SNTB2: variants seen among roughly 807,000 people sequenced by gnomAD.
The protein encoded by SNTB2 is syntrophin beta 2.
In SNTB2, 34 loss-of-function variants were observed where a neutral mutation model predicts 46.2. The observed-to-expected ratio is 0.74, with a 90% CI of 0.56 to 0.98. The LOEUF is 0.98. SNTB2 is among the 50% of genes least tolerant of loss of function. SNTB2 has a pLI of 0.00. For synonymous variants in SNTB2, 290 were observed against 312.6 expected (o/e 0.93, Z 0.76); for missense variants, 603 against 731.4 (o/e 0.82, Z 2.02).
At chr16:69,296,809 C>T (rs954105220) in intron 5 of SNTB2, among the ~76,000 whole-genome samples, 10 of 151,786 alleles carry the variant, frequency 6.6e-5, no homozygotes, top group African/African-American at 2.2e-4. Flanking sequence ...GAGTTTGAGA[C>T]CAGCCTGGCC....
At chr16:69,224,266 C>T (rs905169233) in intron 1 of SNTB2, among the ~76,000 whole-genome samples, 1 of 135,202 alleles carries the variant, frequency 7.4e-6, no homozygotes, top group African/African-American at 2.8e-5. Context: ...GGCTGGAGTG[C>T]AGTGGTGCGA....
chr16:69,287,166 T>C (rs757099563), intron 5 of SNTB2, among the ~76,000 whole-genome samples: 9 of 152,234 alleles, frequency 5.9e-5, no homozygotes, highest in Admixed American at 2.6e-4. Context: ...ATTTGGAGTA[T>C]TGTTTTTTAT....
At chr16:69,282,884 A>G (rs549383598) in intron 4 of SNTB2, among the ~76,000 whole-genome samples, 26 of 152,304 alleles carry the variant, frequency 1.7e-4, no homozygotes, top group African/African-American at 4.3e-4. Context: ...TCAAATTTCA[A>G]TTGTTCAAAG....
rs1964327828 is a variant in SNTB2 at position 69,214,580 on chromosome 16, G to T, written c.580+26834G>T. 2.6e-5 allele frequency among the ~76,000 whole-genome samples: 4 copies of T among 152,120 alleles called. 1 individual carries two copies. The South Asian group carries it at 8.3e-4, about 32-fold the overall frequency. The stretch of plus-strand genomic sequence containing the variant: ...CTCGCTCTGTCGCCCAGGCTGGATT[G>T]CAGTGGCACGATCTTGGCTCACTGC... On this transcript the variant is annotated intron_variant, in intron 1 of 6. Coordinates refer to ENST00000336278, the MANE Select transcript of SNTB2 (RefSeq NM_006750.4).
At chr16:69,283,997 T>A (rs1160211160) in intron 4 of SNTB2, 51 bp from the exon 5 acceptor site, 5 of 1,479,152 alleles carry the variant, frequency 3.4e-6, no homozygotes, top group Non-Finnish European at 4.6e-6. Context: ...TCCTGACATT[T>A]TTGTCTGATA....
At position 69,187,655 on chromosome 16, in the gene SNTB2, C is replaced by T. The variant is rs774234955; in HGVS notation, c.489C>T (p.Ile163=). ...GGGCGCTGCGGCTGGGCGACGCCAT[C>T]CTGTCGGTGAACGGCACCGACCTGC... is the stretch of plus-strand genomic sequence containing the variant. ...QSRALRLGDA[I]LSVNGTDLRQ... Residue 163 remains isoleucine (I), a synonymous_variant, in exon 1 of 7, where the codon ATC becomes ATT. Coordinates refer to ENST00000336278, the MANE Select transcript of SNTB2 (RefSeq NM_006750.4). The T allele has an allele frequency of 1.9e-6, 3 of 1,547,262 alleles. No individual in the cohort carries two copies. Among genetic ancestry groups the T allele is most frequent in the Non-Finnish European group, 2.6e-6 (3 of 1,152,210 alleles).
intron 1 of SNTB2, among the ~76,000 whole-genome samples, chr16:69,232,746 G>A (rs995977809): frequency 5.9e-5 from 9 of 151,854 alleles, no homozygotes; most frequent in Admixed American, 3.3e-4. Flanking sequence ...TCTTGACTTC[G>A]TGATCCGCCC....
chr16:69,299,966 C>T (rs148948767), intron 6 of SNTB2, among the ~76,000 whole-genome samples, 192 bp downstream of exon 6: 1,567 of 151,662 alleles, frequency 0.01, 19 homozygotes, highest in Middle Eastern at 0.041. Flanking sequence ...ATCATAGCTT[C>T]CTGCAGCCTA....
chr16:69,230,087 C>G (rs552694475), intron 1 of SNTB2, among the ~76,000 whole-genome samples: 5 of 151,358 alleles, frequency 3.3e-5, no homozygotes, highest in South Asian at 4.2e-4. Context: ...GCATCTGGCC[C>G]GATGGCATGT....
Position 69,298,512 on chromosome 16 carries a change from CTTTTTTT to C in SNTB2, c.1346-1058_1346-1052del, listed in dbSNP as rs34908270. Among the ~76,000 whole-genome samples the C allele has an allele frequency of 3.9e-3, 303 of 78,104 alleles. 2 individuals carry two copies. The East Asian group carries it at 0.072, about 19-fold the overall frequency. The allele number at this position is 78,104 out of a possible 152,430, so 51.2% of individuals were successfully genotyped here. On this transcript the variant is annotated intron_variant, in intron 5 of 6. Transcript: ENST00000336278. ...CCCTGCCTGTCCAGTTTTACCAATT[CTTTTTTT>C]TTTTTTTTTTTTTTTTTTTGAGACA...
rs1210149629 is a variant in SNTB2, at chr16:69,307,085, A to G, written c.*6161A>G. ...ACATATTCATGTGTTCTTTCATCTA[A>G]TAAACATTTATTAATGTATAGTTCT... On this transcript the variant is annotated 3_prime_UTR_variant, in exon 7 of 7. Coordinates refer to ENST00000336278, the MANE Select transcript of SNTB2 (RefSeq NM_006750.4). The G allele has an allele frequency of 6.6e-6, 1 of 152,196 alleles. No individual in the cohort carries two copies. The highest frequency in any genetic ancestry group is 1.9e-4 in the East Asian group (1 of 5,194). The allele number at this position is 152,196 out of a possible 1,614,324, so 9.4% of individuals were successfully genotyped here.
At chr16:69,258,775 C>T (rs576259519) in intron 2 of SNTB2, among the ~76,000 whole-genome samples, 1 of 151,938 alleles carries the variant, frequency 6.6e-6, no homozygotes, top group African/African-American at 2.4e-5. Context: ...TCACGCCTGG[C>T]TAATTTTTGT....
At chr16:69,277,370 A>G (rs1964992960) in intron 4 of SNTB2, among the ~76,000 whole-genome samples, 1 of 152,236 alleles carries the variant, frequency 6.6e-6, no homozygotes, top group Admixed American at 6.5e-5. Context: ...ACCATTTTTA[A>G]CATGGAAAAT....
At chr16:69,265,185 C>T (rs986109044) in intron 3 of SNTB2, among the ~76,000 whole-genome samples, 2 of 151,930 alleles carry the variant, frequency 1.3e-5, no homozygotes, top group Non-Finnish European at 2.9e-5. Flanking sequence ...GGAGGCGGAG[C>T]TTGCAGTGAG....
chr16:69,260,601 G>T (rs778758080), intron 3 of SNTB2, among the ~76,000 whole-genome samples: 1 of 152,176 alleles, frequency 6.6e-6, no homozygotes, highest in African/African-American at 2.4e-5. Flanking sequence ...GCAAGATAGC[G>T]TCACGGCTAC....
rs867044237 is a variant in SNTB2, at chr16:69,292,379, T to A, written c.1346-7211T>A. Among the ~76,000 whole-genome samples, 64 of 30,294 alleles carry A rather than the reference T, an allele frequency of 2.1e-3. 2 individuals are homozygous for A. Among genetic ancestry groups the A allele is most frequent in the African/African-American group, 0.01 (58 of 5,740 alleles). The allele number at this position is 30,294 out of a possible 152,430, so 19.9% of individuals were successfully genotyped here. A position where few individuals can be genotyped will look rare whatever the true frequency, so the allele number is the denominator to read the frequency against. ...TTATATATATATATATATATATATA[T>A]TATATATATATTATATATATATATA... On this transcript the variant is annotated intron_variant, in intron 5 of 6. Transcript: ENST00000336278.
chr16:69,270,006 A>C (rs1227469039), intron 3 of SNTB2, 137 bp from the exon 4 acceptor site: 2 of 919,738 alleles, frequency 2.2e-6, no homozygotes, highest in African/African-American at 3.3e-5. Flanking sequence ...AAACTTGGTG[A>C]GATGTTTCCT....
intron 1 of SNTB2, chr16:69,240,886 G>A (rs1368694548): frequency 6.6e-6 from 1 of 152,398 alleles, no homozygotes; most frequent in Non-Finnish European, 1.5e-5. Context: ...TTGAGATGGA[G>A]TTTTGCTCTT....
At position 69,292,355 on chromosome 16, in the gene SNTB2, TA is replaced by T. The variant is rs1419740651; in HGVS notation, c.1346-7234del. ...ATTTACCATTGTTCACCTTATTTTT[TA>T]TATATATATATATATATATATATTA... is the stretch of plus-strand genomic sequence containing the variant. On this transcript the variant is annotated intron_variant, in intron 5 of 6. Transcript: ENST00000336278. Among the ~76,000 whole-genome samples the T allele has an allele frequency of 1.3e-3, 34 of 27,164 alleles. 2 individuals carry two copies. The East Asian group carries it at 0.04, about 32-fold the overall frequency. The allele number at this position is 27,164 out of a possible 152,430, so 17.8% of individuals were successfully genotyped here. A position where few individuals can be genotyped will look rare whatever the true frequency, so the allele number is the denominator to read the frequency against.
Sources: allele counts gnomAD v4.1 joint callset (sites outside exome capture counted in the v4.1 genomes callset), GRCh38; gene constraint gnomAD v4.1.1; transcripts MANE v1.5; gene names NCBI Gene and HGNC (gene_info 2026-07-23, HGNC 2026-07-21).